Variants in SIK3 observed in about 807,000 individuals in gnomAD.
SIK3 encodes serine/threonine-protein kinase SIK3.
Under a neutral mutation model 144.2 loss-of-function variants are expected in SIK3, and 28 were observed. The ratio of observed to expected loss-of-function variants is 0.19; its 90% confidence interval spans 0.14 to 0.27. The LOEUF is 0.27. Among genes scored for constraint, SIK3 ranks in the 10% least tolerant of loss-of-function variants. SIK3 has a pLI of 1.00. For missense variants in SIK3, 1,319 were observed against 1,776.0 expected, an observed-to-expected ratio of 0.74 and a Z score of 4.62; for synonymous variants, 686 against 676.3, an observed-to-expected ratio of 1.01 and a Z score of -0.22.
rs983700966 is a variant in SIK3 at position 116,867,920 on chromosome 11, C to G, written c.1952+26G>C. ...TGCCTGTCCGATGAGCCTCAAGGAG[C>G]TCGCACAGCTCATGTGGCTACTCAC... On this transcript the variant is annotated intron_variant, in intron 15 of 24. Transcript: ENST00000445177. This position sits in a 1 kb window ranked among gnomAD's most constrained non-coding sequence, Gnocchi z 4.1. 2.0e-6 allele frequency: 3 copies of G among 1,505,460 alleles called. No individual in the cohort carries two copies. The highest frequency in any genetic ancestry group is 2.7e-6 in the Non-Finnish European group (3 of 1,124,034). The allele number at this position is 1,505,460 out of a possible 1,614,324, so 93.3% of individuals were successfully genotyped here. A position where few individuals can be genotyped will look rare whatever the true frequency, so the allele number is the denominator to read the frequency against.
At position 117,023,581 on chromosome 11, in the gene SIK3, A is replaced by AAAACAAAC. The variant is rs1173784198; in HGVS notation, c.274-66525_274-66518dup. ...CCACTATGCCCAGCTAATATTCTTAAAAACAAACAAACAAACAAACAAACA... is the reference window on the plus strand; with the variant it reads ...CCACTATGCCCAGCTAATATTCTTAAAAACAAACAAACAAACAAACAAACAAACAAACA... On this transcript the variant is annotated intron_variant, in intron 1 of 24. Coordinates refer to ENST00000445177, the MANE Select transcript of SIK3 (RefSeq NM_001366686.3). Among the ~76,000 whole-genome samples, 22 of 106,368 alleles carry AAAACAAAC rather than the reference A, an allele frequency of 2.1e-4. 1 individual carries two copies. The highest frequency in any genetic ancestry group is 8.9e-4 in the African/African-American group (21 of 23,530). The allele number at this position is 106,368 out of a possible 152,430, so 69.8% of individuals were successfully genotyped here.
chr11:116,847,343 G>A, intron 23 of SIK3, 133 bp downstream of exon 23: 5 of 1,286,204 alleles, frequency 3.9e-6, no homozygotes, highest in Non-Finnish European at 5.5e-6. Flanking sequence ...AAGGGGCTGT[G>A]TCCAGAACCT....
At chr11:116,920,680 C>T (rs753394394) in intron 4 of SIK3, among the ~76,000 whole-genome samples, 5 of 152,178 alleles carry the variant, frequency 3.3e-5, no homozygotes, top group Non-Finnish European at 5.9e-5. Context: ...TGACACTGGA[C>T]GCACCTCAAA....
At chr11:116,866,128 T>G (rs1395527604) in intron 15 of SIK3, among the ~76,000 whole-genome samples, 1 of 152,058 alleles carries the variant, frequency 6.6e-6, no homozygotes, top group Non-Finnish European at 1.5e-5. Flanking sequence ...GTAACAAATG[T>G]CAACAGAATA....
chr11:116,984,078 C>A (rs994323429), intron 1 of SIK3, among the ~76,000 whole-genome samples: 200 of 139,070 alleles, frequency 1.4e-3, no homozygotes, highest in Non-Finnish European at 2.6e-3. Flanking sequence ...AAAAATTAAA[C>A]CATGGTAGCA....
intron 1 of SIK3, among the ~76,000 whole-genome samples, chr11:117,073,841 C>T (rs1954385483): frequency 1.3e-5 from 2 of 152,186 alleles, no homozygotes; most frequent in African/African-American, 4.8e-5. Context: ...ATCTCCTTAC[C>T]ATTAACATGT....
chr11:117,096,997 T>A (rs1955503882), intron 1 of SIK3, among the ~76,000 whole-genome samples: 1 of 152,146 alleles, frequency 6.6e-6, no homozygotes, highest in African/African-American at 2.4e-5. Context: ...AATGACTACA[T>A]TAAAAGTATT....
Position 116,858,607 on chromosome 11 carries a change from C to G in SIK3, c.2858G>C (p.Ser953Thr). 1 of 1,612,422 alleles carries G rather than the reference C, an allele frequency of 6.2e-7. No individual in the cohort carries two copies. The highest frequency in any genetic ancestry group is 8.5e-7 in the Non-Finnish European group (1 of 1,179,236). Residue 953 changes from serine to threonine, a missense_variant, in exon 21 of 25, where the codon AGC becomes ACC. Coordinates refer to ENST00000445177, the MANE Select transcript of SIK3 (RefSeq NM_001366686.3). This position sits in a 1 kb window ranked among gnomAD's most constrained non-coding sequence, Gnocchi z 5.4. The stretch of plus-strand genomic sequence containing the variant: ...CCCCACTCCTGTTGAAGGGCTGTAG[C>G]TGCTGGGGGAACCCCGGGACTGGTC... Reference protein sequence around the residue: ...FSDQSRGSPSSYSPSTGVGFS... With the variant: ...FSDQSRGSPSTYSPSTGVGFS...
At chr11:117,074,816 A>C (rs1954436198) in intron 1 of SIK3, among the ~76,000 whole-genome samples, 1 of 151,978 alleles carries the variant, frequency 6.6e-6, no homozygotes, top group African/African-American at 2.4e-5. Flanking sequence ...AATCCCAGCT[A>C]CTGAGGGGAC....
chr11:117,018,563 G>C (rs1591545819), intron 1 of SIK3, among the ~76,000 whole-genome samples: 4 of 152,088 alleles, frequency 2.6e-5, no homozygotes, highest in African/African-American at 9.7e-5. Context: ...GAAGGAAAGA[G>C]CTCCAAACCA....
intron 21 of SIK3, chr11:116,857,557 G>C: frequency 2.0e-6 from 1 of 499,840 alleles, no homozygotes; most frequent in Non-Finnish European, 3.3e-6. Flanking sequence ...AGAAACTGTG[G>C]TATGAATAAG....
intron 4 of SIK3, among the ~76,000 whole-genome samples, chr11:116,922,033 A>G (rs1379277239): frequency 6.6e-6 from 1 of 152,204 alleles, no homozygotes; most frequent in Non-Finnish European, 1.5e-5. Context: ...CTGGGACTAC[A>G]GATGCATGCC....
chr11:116,871,259 T>A (rs1391518071), intron 13 of SIK3, among the ~76,000 whole-genome samples: 1 of 152,026 alleles, frequency 6.6e-6, no homozygotes, highest in East Asian at 1.9e-4. Context: ...TCAATTATTA[T>A]AAAAGAGTAT....
chr11:116,993,837 A>C (rs1287537416), intron 1 of SIK3, among the ~76,000 whole-genome samples: 1 of 152,244 alleles, frequency 6.6e-6, no homozygotes, highest in Admixed American at 6.5e-5. Flanking sequence ...CAATTGTCAC[A>C]AATGACAAAG....
rs11216254 is a variant in SIK3 at position 117,058,553 on chromosome 11, A to C, written c.273+39590T>G. On this transcript the variant is annotated intron_variant, in intron 1 of 24. Coordinates refer to ENST00000445177, the MANE Select transcript of SIK3 (RefSeq NM_001366686.3). ...AAAAAAAAATTACCTCCATCTTTATAATGAACAGTATTGTACAGGAAATAA... is the reference window on the plus strand; with the variant it reads ...AAAAAAAAATTACCTCCATCTTTATCATGAACAGTATTGTACAGGAAATAA... Among the ~76,000 whole-genome samples, 845 of 152,012 alleles carry C rather than the reference A, an allele frequency of 5.6e-3. 9 individuals carry two copies. Among genetic ancestry groups the C allele is most frequent in the African/African-American group, 0.02 (810 of 41,432 alleles).
rs1476253530 is a variant in SIK3, at chr11:116,849,751, T to C, written c.3656-468A>G. Among the ~76,000 whole-genome samples the C allele has an allele frequency of 6.6e-6, 1 of 152,136 alleles. No individual in the cohort carries two copies. Among genetic ancestry groups the C allele is most frequent in the African/African-American group, 2.4e-5 (1 of 41,418 alleles). On this transcript the variant is annotated intron_variant, in intron 21 of 24. Transcript: ENST00000445177. The surrounding 1 kb of genome is among the most constrained non-coding windows in gnomAD (Gnocchi z 4.2). The stretch of plus-strand genomic sequence containing the variant: ...TCTCTAACTGCTGCTTCTGACTCCT[T>C]TGATGGCCCCTCCACCCTTTCTAAG...
intron 1 of SIK3, among the ~76,000 whole-genome samples, chr11:117,037,586 C>T (rs1952566328): frequency 6.6e-6 from 1 of 152,172 alleles, no homozygotes; most frequent in Non-Finnish European, 1.5e-5. Context: ...GACGGGGCAG[C>T]TCACTCTGGC....
At position 117,089,273 on chromosome 11, in the gene SIK3, G is replaced by A. The variant is rs187888261; in HGVS notation, c.273+8870C>T. Among the ~76,000 whole-genome samples, 309 of 152,138 alleles carry A rather than the reference G, an allele frequency of 2.0e-3. 1 individual carries two copies. The highest frequency in any genetic ancestry group is 6.4e-3 in the African/African-American group (264 of 41,520). ...ATACAAAAAATTAGCTGGGCGTGGC[G>A]GCAGGCGCCTGTAGTCCCAACTACT... On this transcript the variant is annotated intron_variant, in intron 1 of 24. Transcript: ENST00000445177.
intron 1 of SIK3, among the ~76,000 whole-genome samples, chr11:117,065,688 G>A (rs1305141531): frequency 6.7e-6 from 1 of 150,004 alleles, no homozygotes; most frequent in Non-Finnish European, 1.5e-5. Flanking sequence ...GGAGTGTAGT[G>A]GCACGATCTC....
Sources: allele counts gnomAD v4.1 joint callset (sites outside exome capture counted in the v4.1 genomes callset), GRCh38; gene constraint gnomAD v4.1.1; non-coding constraint Gnocchi (gnomAD v3.1); transcripts MANE v1.5; gene names NCBI Gene and HGNC (gene_info 2026-07-23, HGNC 2026-07-21).